Variants in LHFPL7 observed in about 807,000 individuals in gnomAD.
The protein encoded by LHFPL7 is LHFPL tetraspan subfamily member 7 protein.
chr22:24,935,291 A>C, the LHFPL7 span: 8 of 1,571,344 alleles, frequency 5.1e-6, no homozygotes, highest in East Asian at 1.6e-4. Context: ...ATGATTTCAT[A>C]AAACTCTGGA....
At chr22:24,935,556 C>T in the LHFPL7 span, 1 of 1,613,056 alleles carries the variant, frequency 6.2e-7, no homozygotes, top group African/African-American at 1.3e-5. Context: ...GGAGGCAAGG[C>T]CGATTGGGAA....
chr22:24,941,651 A>C, the LHFPL7 span, among the ~76,000 whole-genome samples: 2 of 150,098 alleles, frequency 1.3e-5, no homozygotes, highest in Non-Finnish European at 3.0e-5. Flanking sequence ...TGGAAATTCA[A>C]ATTTTTTTGT....
At chr22:24,938,100 C>A in the LHFPL7 span, 1 of 1,583,582 alleles carries the variant, frequency 6.3e-7, no homozygotes, top group Admixed American at 1.8e-5. Context: ...TTCATTCATT[C>A]CATAAATATG....
chr22:24,945,605 G>A, the LHFPL7 span, among the ~76,000 whole-genome samples: 1 of 152,230 alleles, frequency 6.6e-6, no homozygotes, highest in South Asian at 2.1e-4. Flanking sequence ...GTGTCTGAGT[G>A]TGAGGTTGCG....
At chr22:24,944,681 A>C in the LHFPL7 span, among the ~76,000 whole-genome samples, 1 of 152,112 alleles carries the variant, frequency 6.6e-6, no homozygotes, top group African/African-American at 2.4e-5. Context: ...CAGCCTCCCA[A>C]GTAGCTGGGG....
At chr22:24,946,423 C>CCACCCA in the LHFPL7 span, 1 of 135,556 alleles carries the variant, frequency 7.4e-6, no homozygotes, top group African/African-American at 2.9e-5. Context: ...ACCCACCCAC[C>CCACCCA]CACACACACA....
At chr22:24,946,328 A>G in the LHFPL7 span, among the ~76,000 whole-genome samples, 1 of 152,158 alleles carries the variant, frequency 6.6e-6, no homozygotes, top group East Asian at 1.9e-4. Context: ...AAACAAAAAA[A>G]CAAAACCCCA....
the LHFPL7 span, among the ~76,000 whole-genome samples, chr22:24,944,464 AG>A: frequency 1.3e-5 from 2 of 152,184 alleles, no homozygotes. Flanking sequence ...AGTGGGGAGC[AG>A]GTGCAAAGGC....
chr22:24,935,995 C>T, the LHFPL7 span, among the ~76,000 whole-genome samples: 3 of 152,052 alleles, frequency 2.0e-5, no homozygotes, highest in Non-Finnish European at 4.4e-5. Context: ...AAATATCCAC[C>T]CATTCATTCA....
chr22:24,935,681 C>T, the LHFPL7 span: 1 of 1,495,854 alleles, frequency 6.7e-7, no homozygotes, highest in Admixed American at 2.0e-5. Context: ...ACCCTTTATC[C>T]ACCCATCCAT....
chr22:24,945,830 T>C, the LHFPL7 span, among the ~76,000 whole-genome samples: 1 of 152,160 alleles, frequency 6.6e-6, no homozygotes, highest in South Asian at 2.1e-4. Flanking sequence ...TTATCTCTTA[T>C]CACATTCTCC....
At chr22:24,939,868 C>T in the LHFPL7 span, among the ~76,000 whole-genome samples, 1 of 150,630 alleles carries the variant, frequency 6.6e-6, no homozygotes, top group Non-Finnish European at 1.5e-5. Context: ...GGGCTCTTCT[C>T]ATATTCCGTG....
At chr22:24,938,295 G>A in the LHFPL7 span, 1 of 1,612,284 alleles carries the variant, frequency 6.2e-7, no homozygotes, top group African/African-American at 1.3e-5. Context: ...GACCTGCAGG[G>A]AAGAGACAGG....
At chr22:24,938,088 C>T in the LHFPL7 span, 4 of 1,566,394 alleles carry the variant, frequency 2.6e-6, no homozygotes, top group Non-Finnish European at 3.5e-6. Flanking sequence ...TTCATTCATT[C>T]ATTCATTCAT....
chr22:24,943,008 G>A, the LHFPL7 span, among the ~76,000 whole-genome samples: 3 of 151,644 alleles, frequency 2.0e-5, no homozygotes, highest in Admixed American at 6.6e-5. Flanking sequence ...TTTTTACCCC[G>A]AGATGAGAAA....
chr22:24,939,666 T>C, the LHFPL7 span: 1 of 647,298 alleles, frequency 1.5e-6, no homozygotes, highest in East Asian at 2.7e-5. Context: ...CCCCAGATCA[T>C]CAGCCCCCCT....
the LHFPL7 span, among the ~76,000 whole-genome samples, chr22:24,936,472 GC>G: frequency 6.6e-6 from 1 of 152,096 alleles, no homozygotes. Flanking sequence ...CCATTCACTA[GC>G]TCACCCATGC....
the LHFPL7 span, among the ~76,000 whole-genome samples, chr22:24,940,512 C>G: frequency 2.6e-5 from 4 of 151,216 alleles, no homozygotes; most frequent in Admixed American, 1.3e-4. Flanking sequence ...AGGAGAATGG[C>G]GTGAACCCGG....
At chr22:24,942,585 A>G in the LHFPL7 span, among the ~76,000 whole-genome samples, 1 of 152,230 alleles carries the variant, frequency 6.6e-6, no homozygotes, top group Non-Finnish European at 1.5e-5. Flanking sequence ...CCCACTAAAC[A>G]TGGCAGGAAT....
Sources: allele counts gnomAD v4.1 joint callset (sites outside exome capture counted in the v4.1 genomes callset), GRCh38; gene constraint gnomAD v4.1.1; transcripts MANE v1.5; gene names NCBI Gene and HGNC (gene_info 2026-07-23, HGNC 2026-07-21).